CFAP95: variants seen among roughly 807,000 people sequenced by gnomAD.
The protein encoded by CFAP95 is cilia and flagella associated protein 95.
At chr9:69,852,463 T>A in the CFAP95 span, among the ~76,000 whole-genome samples, 1 of 151,616 alleles carries the variant, frequency 6.6e-6, no homozygotes, top group East Asian at 1.9e-4. Flanking sequence ...GTTGGAGGAG[T>A]TGTCTGGAGA....
At chr9:69,854,536 C>A in the CFAP95 span, among the ~76,000 whole-genome samples, 1 of 152,198 alleles carries the variant, frequency 6.6e-6, no homozygotes, top group East Asian at 1.9e-4. Context: ...ATTATTTAAT[C>A]CCTTCCAGCC....
the CFAP95 span, among the ~76,000 whole-genome samples, chr9:69,827,671 A>ATGC: frequency 6.6e-6 from 1 of 152,140 alleles, no homozygotes; most frequent in Admixed American, 6.5e-5. Context: ...ACCGCTGTGC[A>ATGC]TGCTGCTGCT....
At chr9:69,889,303 C>T in the CFAP95 span, among the ~76,000 whole-genome samples, 4 of 152,210 alleles carry the variant, frequency 2.6e-5, no homozygotes, top group African/African-American at 9.6e-5. Flanking sequence ...GCTTAACTTG[C>T]TTTTCTATAC....
the CFAP95 span, among the ~76,000 whole-genome samples, chr9:69,852,482 A>G: frequency 7.2e-5 from 11 of 152,248 alleles, no homozygotes; most frequent in East Asian, 2.1e-3. Context: ...GAGAGTGTGC[A>G]TGCTGTGAAT....
chr9:69,879,354 A>C, the CFAP95 span, among the ~76,000 whole-genome samples: 1 of 152,106 alleles, frequency 6.6e-6, no homozygotes, highest in Non-Finnish European at 1.5e-5. Context: ...AAATAGTAGA[A>C]AGGAGAGCTT....
the CFAP95 span, among the ~76,000 whole-genome samples, chr9:69,862,463 A>G: frequency 1.3e-5 from 2 of 152,214 alleles, no homozygotes; most frequent in African/African-American, 4.8e-5. Context: ...AGAATGTTTC[A>G]TACAGTACAA....
At chr9:69,823,255 A>G in the CFAP95 span, among the ~76,000 whole-genome samples, 4 of 150,716 alleles carry the variant, frequency 2.7e-5, no homozygotes, top group Admixed American at 2.6e-4. Context: ...ACTCACTATC[A>G]TGATAGCATG....
the CFAP95 span, among the ~76,000 whole-genome samples, chr9:69,893,803 T>G: frequency 2.0e-5 from 3 of 152,248 alleles, no homozygotes; most frequent in Non-Finnish European, 4.4e-5. Context: ...AGTGCTATTT[T>G]ATTTGTACTT....
the CFAP95 span, among the ~76,000 whole-genome samples, chr9:69,888,566 G>A: frequency 6.6e-6 from 1 of 152,154 alleles, no homozygotes; most frequent in Admixed American, 6.6e-5. Context: ...GAATAAAATT[G>A]TCAATGTTTT....
chr9:69,835,001 A>G, the CFAP95 span, among the ~76,000 whole-genome samples: 2 of 152,224 alleles, frequency 1.3e-5, no homozygotes, highest in African/African-American at 4.8e-5. Flanking sequence ...ATCTTCAAAG[A>G]GTATTGTCAA....
chr9:69,854,878 G>C, the CFAP95 span, among the ~76,000 whole-genome samples: 2 of 152,210 alleles, frequency 1.3e-5, no homozygotes, highest in African/African-American at 4.8e-5. Flanking sequence ...GTTCTGAGTA[G>C]GTTGATACAA....
At chr9:69,879,572 C>T in the CFAP95 span, among the ~76,000 whole-genome samples, 2 of 151,858 alleles carry the variant, frequency 1.3e-5, no homozygotes, top group East Asian at 3.8e-4. Flanking sequence ...CACTTTGGGA[C>T]TGGGTTTTAA....
At chr9:69,857,601 T>C in the CFAP95 span, among the ~76,000 whole-genome samples, 2 of 152,208 alleles carry the variant, frequency 1.3e-5, no homozygotes, top group African/African-American at 4.8e-5. Context: ...CTTGGCTCAC[T>C]GCAACCTCTG....
At chr9:69,843,618 C>CG in the CFAP95 span, among the ~76,000 whole-genome samples, 23 of 69,684 alleles carry the variant, frequency 3.3e-4, no homozygotes, top group Non-Finnish European at 5.3e-4. Flanking sequence ...TCTTCTTCTT[C>CG]TTCTTCTTCT....
chr9:69,823,313 G>A, the CFAP95 span, among the ~76,000 whole-genome samples: 1 of 152,114 alleles, frequency 6.6e-6, no homozygotes, highest in Non-Finnish European at 1.5e-5. Context: ...TTGACACATG[G>A]GGACTACAGG....
the CFAP95 span, chr9:69,856,790 T>C: frequency 1.8e-6 from 1 of 570,628 alleles, no homozygotes; most frequent in East Asian, 3.0e-5. Context: ...TCAAGCACAT[T>C]TGTCTCAAGC....
chr9:69,898,784 C>T, the CFAP95 span, among the ~76,000 whole-genome samples: 2 of 152,146 alleles, frequency 1.3e-5, no homozygotes, highest in Non-Finnish European at 2.9e-5. Flanking sequence ...GGCCATCTGT[C>T]CCACAGCACT....
At chr9:69,859,286 T>C in the CFAP95 span, among the ~76,000 whole-genome samples, 1 of 152,178 alleles carries the variant, frequency 6.6e-6, no homozygotes, top group African/African-American at 2.4e-5. Flanking sequence ...TCTCTGTTTC[T>C]TCAACTCTAC....
chr9:69,878,854 T>C, the CFAP95 span, among the ~76,000 whole-genome samples: 6 of 152,232 alleles, frequency 3.9e-5, no homozygotes, highest in African/African-American at 1.4e-4. Flanking sequence ...TGCTGGCATC[T>C]GCTCAGCTTC....
Sources: allele counts gnomAD v4.1 joint callset (sites outside exome capture counted in the v4.1 genomes callset), GRCh38; gene constraint gnomAD v4.1.1; transcripts MANE v1.5; gene names NCBI Gene and HGNC (gene_info 2026-07-23, HGNC 2026-07-21).